The following KNDC1 variants were observed in gnomAD, a reference collection of about 807,000 sequenced individuals.
KNDC1 encodes the protein kinase non-catalytic C-lobe domain-containing protein 1.
KNDC1 carries 106 observed loss-of-function variants against 172.8 expected under a neutral mutation model. The ratio of observed to expected loss-of-function variants is 0.61; its 90% confidence interval spans 0.52 to 0.72. The LOEUF is 0.72. KNDC1 is among the 30% of genes least tolerant of loss of function. KNDC1 has a pLI of 0.00. For missense variants in KNDC1, 2,325 were observed against 2,394.5 expected (o/e 0.97, Z 0.61); for synonymous variants, 1,083 against 1,062.2 (o/e 1.02, Z -0.38).
intron 3 of KNDC1, among the ~76,000 whole-genome samples, chr10:133,181,944 T>C (rs1853731218): frequency 6.6e-6 from 1 of 152,160 alleles, no homozygotes; most frequent in African/African-American, 2.4e-5. Context: ...CCTGGTTTCT[T>C]CTCTGTGACA....
chr10:133,203,086 G>A (rs1488689116), intron 17 of KNDC1, among the ~76,000 whole-genome samples: 1 of 151,376 alleles, frequency 6.6e-6, no homozygotes, highest in Non-Finnish European at 1.5e-5. Context: ...CCAGCGGGGA[G>A]CACTCCACCC....
rs1303199308 is a variant in KNDC1 at position 133,209,693 on chromosome 10, C to A, written c.3795-918C>A. On this transcript the variant is annotated intron_variant, in intron 20 of 29. Transcript: ENST00000304613. This position sits in a 1 kb window ranked among gnomAD's most constrained non-coding sequence, Gnocchi z 4.9. ...CGTGATGTGGTCACGAGGGGCTTCC[C>A]CGCTCTGTGGACCTGGTGGGCGTCA... Among the ~76,000 whole-genome samples the A allele has an allele frequency of 6.6e-6, 1 of 152,042 alleles. No homozygotes were observed. The highest frequency in any genetic ancestry group is 1.5e-5 in the Non-Finnish European group (1 of 67,986).
chr10:133,219,529 A>C (rs1210421625), intron 28 of KNDC1, among the ~76,000 whole-genome samples: 2 of 152,198 alleles, frequency 1.3e-5, no homozygotes, highest in Non-Finnish European at 2.9e-5. Context: ...TGGGTCTCAG[A>C]GCTCGGCCTC....
intron 14 of KNDC1, 67 bp downstream of exon 14, chr10:133,199,333 GC>G (rs1263797267): frequency 6.5e-7 from 1 of 1,549,900 alleles, no homozygotes; most frequent in African/African-American, 1.4e-5. Context: ...GGGACTCGGG[GC>G]CGCCCCACGC....
At chr10:133,196,359 C>T (rs1000167809) in intron 10 of KNDC1, among the ~76,000 whole-genome samples, 1 of 152,096 alleles carries the variant, frequency 6.6e-6, no homozygotes, top group African/African-American at 2.4e-5. Flanking sequence ...AGCGGGTGGA[C>T]CAGCAGGTGG....
intron 3 of KNDC1, among the ~76,000 whole-genome samples, chr10:133,171,881 G>T (rs1259098115): frequency 6.6e-6 from 1 of 152,178 alleles, no homozygotes; most frequent in East Asian, 1.9e-4. Flanking sequence ...CTCCCAAAGT[G>T]CTGGGATTAC....
Position 133,186,623 on chromosome 10 carries a change from TGA to T in KNDC1, c.1280_1281del (p.Arg427AsnfsTer6). 1 of 1,596,128 alleles carries T rather than the reference TGA, an allele frequency of 6.3e-7. No homozygotes were observed. Among genetic ancestry groups the T allele is most frequent in the Non-Finnish European group, 8.5e-7 (1 of 1,178,666 alleles). On this transcript the variant is annotated frameshift_variant, in exon 6 of 30. Transcript: ENST00000304613. LOFTEE classifies it high-confidence loss of function. Reference sequence around the variant, plus strand: ...GTGAAGCCCAGACTCCCAGGGACGATGAGAGAATTCCAGAAGGAGCTAGGCAG... The same window carrying T: ...GTGAAGCCCAGACTCCCAGGGACGATGAGAATTCCAGAAGGAGCTAGGCAG... Reference protein sequence around the residue: ...SGEAQTPRDDERIPEGARQLE... With the variant: ...SGEAQTPRDDXRIPEGARQLE...
At chr10:133,160,603 G>A in intron 1 of KNDC1, 34 bp downstream of exon 1, 2 of 1,474,096 alleles carry the variant, frequency 1.4e-6, no homozygotes, top group Non-Finnish European at 1.8e-6. Flanking sequence ...GGCCCCTTCC[G>A]CCGCCGAGGG....
chr10:133,207,056 G>A, intron 19 of KNDC1, 81 bp from the exon 20 acceptor site: 3 of 1,526,102 alleles, frequency 2.0e-6, no homozygotes, highest in Non-Finnish European at 1.8e-6. Context: ...TTATAAAAGG[G>A]GCCCTGATTT....
intron 17 of KNDC1, among the ~76,000 whole-genome samples, chr10:133,203,070 CAG>C (rs1222405645): frequency 6.7e-6 from 1 of 149,886 alleles, no homozygotes; most frequent in African/African-American, 2.5e-5. Flanking sequence ...CCCAAACTGG[CAG>C]AGTCCAGCGG....
At chr10:133,194,536 G>C (rs1420955173) in intron 9 of KNDC1, among the ~76,000 whole-genome samples, 1 of 152,178 alleles carries the variant, frequency 6.6e-6, no homozygotes, top group East Asian at 1.9e-4. Context: ...AAAATAAAAG[G>C]TTAATTTTTT....
rs1328805004 is a variant in KNDC1 at position 133,197,589 on chromosome 10, C to G, written c.1813-86C>G. 6.0e-6 allele frequency: 6 copies of G among 996,826 alleles called. No individual in the cohort carries two copies. The Admixed American group carries it at 1.1e-4, about 18-fold the overall frequency. 61.7% of individuals were successfully genotyped at this position (996,826 alleles called of 1,614,324 possible). On this transcript the variant is annotated intron_variant, in intron 11 of 29. Coordinates refer to ENST00000304613, the MANE Select transcript of KNDC1 (RefSeq NM_152643.8). ...CCAGCAGGAAGCTCCACGGCACCGG[C>G]GGGTGGTGGGGGACGCCCTGTGGGT...
At chr10:133,164,486 C>T (rs1010460787) in intron 1 of KNDC1, among the ~76,000 whole-genome samples, 3 of 152,192 alleles carry the variant, frequency 2.0e-5, no homozygotes, top group East Asian at 1.9e-4. Context: ...GCGCAGGAGG[C>T]GGCGCTGGGC....
intron 3 of KNDC1, among the ~76,000 whole-genome samples, chr10:133,175,969 G>T (rs940872848): frequency 2.7e-5 from 4 of 150,056 alleles, no homozygotes; most frequent in African/African-American, 4.9e-5. Flanking sequence ...TGGATGGATG[G>T]ATGGATGGGT....
chr10:133,207,398 G>C (rs557335358), intron 20 of KNDC1, 47 bp downstream of exon 20: 1 of 1,563,846 alleles, frequency 6.4e-7, no homozygotes, highest in Non-Finnish European at 8.8e-7. Flanking sequence ...GTAGCCCGGG[G>C]TGCTGAGAAG....
chr10:133,183,907 C>G lies in KNDC1; in HGVS notation c.543C>G (p.Leu181=). 6.2e-7 allele frequency: 1 copy of G among 1,602,700 alleles called. No individual in the cohort carries two copies. Among genetic ancestry groups the G allele is most frequent in the Non-Finnish European group, 8.5e-7 (1 of 1,171,378 alleles). ...CGCTGTGTGAAGAGAAGCTGCAGCT[C>G]ACATCCTCCTGTCGCGTGTGCCGGA... ...IIALCEEKLQ[L]TSSCRVCRSL... Residue 181 remains leucine (L), a synonymous_variant, in exon 5 of 30, where the codon CTC becomes CTG. Coordinates refer to ENST00000304613, the MANE Select transcript of KNDC1 (RefSeq NM_152643.8).
At chr10:133,222,068 G>A (rs1158019754) in intron 29 of KNDC1, among the ~76,000 whole-genome samples, 1 of 150,458 alleles carries the variant, frequency 6.6e-6, no homozygotes, top group African/African-American at 2.5e-5. Flanking sequence ...GATCACTTGA[G>A]GTCAGGAGTT....
chr10:133,207,193 C>T lies in KNDC1; in HGVS notation c.3636C>T (p.Asn1212=). 1 of 1,610,762 alleles carries T rather than the reference C, an allele frequency of 6.2e-7. No homozygotes were observed. Among genetic ancestry groups the T allele is most frequent in the Non-Finnish European group, 8.5e-7 (1 of 1,179,368 alleles). Residue 1212 remains asparagine, a synonymous_variant, in exon 20 of 30, where the codon AAC becomes AAT. Transcript: ENST00000304613. ...LEPCTLPVIV[N]IAAAPCDTLD... is the part of the protein sequence containing the mutation. Reference sequence around the variant, plus strand: ...CCTGCACCCTCCCAGTGATCGTGAACATCGCGGCCGCACCCTGCGACACGC... The same window carrying T: ...CCTGCACCCTCCCAGTGATCGTGAATATCGCGGCCGCACCCTGCGACACGC...
chr10:133,160,544 C>G lies in KNDC1; in HGVS notation c.77C>G (p.Pro26Arg). ...GACCTGGACTTCTACGACTTCGAGCCGCTGCCCACCCTCCCCGAGGACGAG... is the reference window on the plus strand; with the variant it reads ...GACCTGGACTTCTACGACTTCGAGCGGCTGCCCACCCTCCCCGAGGACGAG... ...GKDLDFYDFEPLPTLPEDEEN... is the reference protein window; with the variant it reads ...GKDLDFYDFERLPTLPEDEEN... Residue 26 changes from proline to arginine, a missense_variant, in exon 1 of 30, where the codon CCG becomes CGG. Transcript: ENST00000304613. 1 of 1,584,674 alleles carries G rather than the reference C, an allele frequency of 6.3e-7. No individual in the cohort carries two copies. Among genetic ancestry groups the G allele is most frequent in the Non-Finnish European group, 8.6e-7 (1 of 1,167,206 alleles).
Sources: gnomAD v4.1 joint callset for allele counts (sites outside exome capture counted in the v4.1 genomes callset) on GRCh38, gnomAD v4.1.1 for gene constraint, Gnocchi (gnomAD v3.1) non-coding constraint, MANE v1.5 for transcripts, NCBI Gene and HGNC (gene_info 2026-07-23, HGNC 2026-07-21) for gene names.